The following CTNNA2 variants were observed in gnomAD, a reference collection of about 807,000 sequenced individuals.
The protein encoded by CTNNA2 is catenin alpha-2.
In CTNNA2, 42 loss-of-function variants were observed where a neutral mutation model predicts 101.0. The ratio of observed to expected loss-of-function variants is 0.42; its 90% CI spans 0.32 to 0.54. CTNNA2 has a LOEUF of 0.54. Ranked by LOEUF, CTNNA2 falls within the 20% of genes least tolerant of loss-of-function variation. The pLI, the probability that CTNNA2 is intolerant of heterozygous loss-of-function variation, is 0.14. For synonymous variants in CTNNA2, 450 were observed against 456.4 expected (o/e 0.99, Z 0.18); for missense variants, 871 against 1,223.1 (o/e 0.71, Z 4.29).
chr2:80,460,911 A>G (rs749249327), intron 9 of CTNNA2, among the ~76,000 whole-genome samples: 4 of 152,218 alleles, frequency 2.6e-5, no homozygotes, highest in African/African-American at 7.2e-5. Context: ...GTGGAGCCCA[A>G]TAATTTTTTG....
chr2:79,568,208 T>G (rs1675234522), intron 1 of CTNNA2, among the ~76,000 whole-genome samples: 1 of 152,222 alleles, frequency 6.6e-6, no homozygotes, highest in Admixed American at 6.5e-5. Flanking sequence ...AGAGTTATTC[T>G]TATTATGTAA....
At chr2:79,808,419 A>G (rs10193840) in intron 3 of CTNNA2, among the ~76,000 whole-genome samples, 12,653 of 152,252 alleles carry the variant, frequency 0.083, 846 homozygotes, top group East Asian at 0.37. Flanking sequence ...GGCTCTACTC[A>G]TTAACTGAAG....
At chr2:80,608,484 C>A in intron 17 of CTNNA2, 166 bp downstream of exon 17, 1 of 577,708 alleles carries the variant, frequency 1.7e-6, no homozygotes, top group Non-Finnish European at 2.7e-6. Flanking sequence ...CAATAACTCA[C>A]AAAGAGCAAT....
chr2:79,390,924 A>C (rs1350599063), intron 4 of CTNNA2, among the ~76,000 whole-genome samples: 1 of 152,146 alleles, frequency 6.6e-6, no homozygotes, highest in East Asian at 1.9e-4. Flanking sequence ...GCATTGATTG[A>C]TTACTTAGTC....
chr2:80,319,733 G>C (rs1181674597), intron 7 of CTNNA2, among the ~76,000 whole-genome samples: 1 of 152,128 alleles, frequency 6.6e-6, no homozygotes, highest in Admixed American at 6.6e-5. Flanking sequence ...AAGAATTCTT[G>C]AGTCATAAAG....
chr2:79,452,568 G>A lies in CTNNA2; in HGVS notation c.-134-52486G>A, dbSNP rs1229399346. Among the ~76,000 whole-genome samples, 6 of 151,584 alleles carry A rather than the reference G, an allele frequency of 4.0e-5. No homozygotes were observed. In the South Asian group the frequency reaches 6.2e-4, roughly 16 times the overall value. On this transcript the variant is annotated intron_variant, in intron 4 of 21. Transcript: ENST00000466387. ...AAGGTCAATACATTGCTTCAATATCGTTAGCTCCACTTTCCTATTTGGAAC... is the reference window on the plus strand; with the variant it reads ...AAGGTCAATACATTGCTTCAATATCATTAGCTCCACTTTCCTATTTGGAAC...
At chr2:80,384,460 T>C (rs1249524755) in intron 7 of CTNNA2, among the ~76,000 whole-genome samples, 4 of 148,072 alleles carry the variant, frequency 2.7e-5, no homozygotes, top group African/African-American at 9.9e-5. Context: ...AAAAAGGAAA[T>C]AGGAGTTCAG....
intron 3 of CTNNA2, among the ~76,000 whole-genome samples, chr2:79,780,094 CTCTT>C (rs1176234710): frequency 1.3e-5 from 2 of 152,176 alleles, no homozygotes; most frequent in African/African-American, 2.4e-5. Flanking sequence ...TTGGTAATAA[CTCTT>C]TCAACCAATT....
intron 4 of CTNNA2, among the ~76,000 whole-genome samples, chr2:79,485,628 A>G (rs723934): frequency 0.33 from 50,594 of 152,084 alleles, 8,981 homozygotes; most frequent in Non-Finnish European, 0.39. Context: ...CAGCAGAGCC[A>G]CAACTCTGAC....
chr2:79,411,988 A>G (rs1479837224), intron 4 of CTNNA2, among the ~76,000 whole-genome samples: 1 of 152,134 alleles, frequency 6.6e-6, no homozygotes, highest in African/African-American at 2.4e-5. Flanking sequence ...AGTGTGCTGT[A>G]TTCAGGAAAC....
chr2:79,602,649 A>G lies in CTNNA2; in HGVS notation c.-5-48903A>G, dbSNP rs184752880. Among the ~76,000 whole-genome samples the G allele has an allele frequency of 2.1e-3, 322 of 152,314 alleles. 1 individual carries two copies. Among genetic ancestry groups the G allele is most frequent in the Middle Eastern group, 0.01 (3 of 294 alleles). ...GATATTAGAGCTAATATAATGAAAGAGAAAGGTTTCTGGATATTAGGCCAA... is the reference window on the plus strand; with the variant it reads ...GATATTAGAGCTAATATAATGAAAGGGAAAGGTTTCTGGATATTAGGCCAA... On this transcript the variant is annotated intron_variant, in intron 1 of 18. Coordinates refer to ENST00000402739, the MANE Select transcript of CTNNA2 (RefSeq NM_001282597.3).
intron 7 of CTNNA2, among the ~76,000 whole-genome samples, chr2:80,210,658 G>C (rs191998881): frequency 6.6e-5 from 10 of 152,232 alleles, no homozygotes; most frequent in Non-Finnish European, 1.2e-4. Flanking sequence ...ATTGTGAATA[G>C]TGCCGCAATA....
At chr2:80,482,400 G>A (rs551172679) in intron 9 of CTNNA2, among the ~76,000 whole-genome samples, 1 of 152,286 alleles carries the variant, frequency 6.6e-6, no homozygotes, top group Non-Finnish European at 1.5e-5. Flanking sequence ...GCAGGGGTCA[G>A]CTAGCTTTCT....
intron 9 of CTNNA2, among the ~76,000 whole-genome samples, chr2:80,505,919 G>C (rs1048947900): frequency 6.6e-6 from 1 of 152,166 alleles, no homozygotes; most frequent in Admixed American, 6.5e-5. Context: ...TAAAAGATCT[G>C]TAAGGCAGCC....
intron 12 of CTNNA2, among the ~76,000 whole-genome samples, chr2:80,558,349 A>G (rs1247614059): frequency 6.6e-6 from 1 of 152,158 alleles, no homozygotes; most frequent in African/African-American, 2.4e-5. Context: ...GCTAATGAGA[A>G]TTGCTGGGGA....
At chr2:79,314,206 T>C (rs1676445311) in intron 3 of CTNNA2, among the ~76,000 whole-genome samples, 1 of 152,110 alleles carries the variant, frequency 6.6e-6, no homozygotes, top group African/African-American at 2.4e-5. Flanking sequence ...GCCCAAGGGA[T>C]CTCAGACTTG....
chr2:79,608,060 A>G (rs1678016859), intron 1 of CTNNA2, among the ~76,000 whole-genome samples: 1 of 152,052 alleles, frequency 6.6e-6, no homozygotes, highest in African/African-American at 2.4e-5. Flanking sequence ...GATTCAAATT[A>G]GCAGCAGGAG....
intron 13 of CTNNA2, chr2:80,575,181 T>C (rs1694932050): frequency 6.6e-6 from 1 of 151,812 alleles, no homozygotes; most frequent in African/African-American, 2.4e-5. Flanking sequence ...TTTATTGCTA[T>C]TATATTTGAA....
At chr2:79,596,881 CAA>C (rs1371327515) in intron 1 of CTNNA2, among the ~76,000 whole-genome samples, 1 of 143,978 alleles carries the variant, frequency 6.9e-6, no homozygotes, top group Admixed American at 7.0e-5. Context: ...AGAAAATAAA[CAA>C]AGTGATGTTC....
Sources: allele counts gnomAD v4.1 joint callset (sites outside exome capture counted in the v4.1 genomes callset), GRCh38; gene constraint gnomAD v4.1.1; transcripts MANE v1.5; gene names NCBI Gene and HGNC (gene_info 2026-07-23, HGNC 2026-07-21).